The following MYT1L variants were observed in gnomAD, a reference collection of about 807,000 sequenced individuals.
MYT1L encodes myelin transcription factor 1-like protein.
A neutral mutation model predicts 126.7 loss-of-function variants in MYT1L; 12 were observed. That is an observed-to-expected ratio of 0.09 (90% CI 0.06 to 0.15). The LOEUF is 0.15. Ranked by LOEUF, MYT1L falls within the 10% of genes least tolerant of loss-of-function variation. The probability of loss-of-function intolerance (pLI) is 1.00; values close to 1 mark genes in which losing one functional copy is unlikely to be tolerated. For missense variants in MYT1L, 979 were observed against 1,585.2 expected (o/e 0.62, Z 6.49); for synonymous variants, 541 against 604.2 (o/e 0.90, Z 1.53).
chr2:2,208,711 T>C (rs1483353283), intron 2 of MYT1L, among the ~76,000 whole-genome samples: 1 of 152,270 alleles, frequency 6.6e-6, no homozygotes, highest in Non-Finnish European at 1.5e-5. Flanking sequence ...TTTTAAATTT[T>C]TGCCTGACAT....
chr2:2,117,713 G>C (rs2080404827), intron 3 of MYT1L, among the ~76,000 whole-genome samples: 1 of 151,974 alleles, frequency 6.6e-6, no homozygotes, highest in Admixed American at 6.6e-5. Context: ...CCATGACTGG[G>C]GTAGGATCAT....
At chr2:1,855,369 T>C (rs982479869) in intron 18 of MYT1L, among the ~76,000 whole-genome samples, 1 of 152,150 alleles carries the variant, frequency 6.6e-6, no homozygotes, top group South Asian at 2.1e-4. Flanking sequence ...ACAATCAGCA[T>C]CCCCCGTGGA....
intron 2 of MYT1L, among the ~76,000 whole-genome samples, chr2:2,217,864 C>G (rs1159985695): frequency 6.6e-6 from 1 of 152,082 alleles, no homozygotes; most frequent in Non-Finnish European, 1.5e-5. Flanking sequence ...GCTCTCGAAA[C>G]TTAATGATAA....
chr2:2,299,109 C>A (rs1040674681), intron 1 of MYT1L, among the ~76,000 whole-genome samples: 6 of 152,318 alleles, frequency 3.9e-5, no homozygotes, highest in Admixed American at 2.0e-4. Context: ...GCCTTGGCCT[C>A]CCAAAGTGCT....
chr2:1,832,113 G>C (rs1355651339), intron 21 of MYT1L, among the ~76,000 whole-genome samples: 1 of 152,158 alleles, frequency 6.6e-6, no homozygotes, highest in Non-Finnish European at 1.5e-5. Flanking sequence ...GGTGTGTTTG[G>C]AGCTGGGGCC....
intron 18 of MYT1L, among the ~76,000 whole-genome samples, chr2:1,862,269 A>T (rs191189969): frequency 0.024 from 1,437 of 60,196 alleles, 15 homozygotes; most frequent in East Asian, 0.12. Flanking sequence ...AGAGGTTTTT[A>T]AAAAAAAATC....
rs925819119 is a variant in MYT1L at position 2,030,225 on chromosome 2, G to A, written c.-158+23753C>T. ...TGATTCTCCTGCCTCAGCCTCCCGA[G>A]TAGCTGGGACTACAGGCGTATGCTA... On this transcript the variant is annotated intron_variant, in intron 4 of 24. Coordinates refer to ENST00000647738, the MANE Select transcript of MYT1L (RefSeq NM_001303052.2). Among the ~76,000 whole-genome samples, 5 of 152,192 alleles carry A rather than the reference G, an allele frequency of 3.3e-5. No homozygotes were observed. The East Asian group carries it at 7.7e-4, about 24-fold the overall frequency.
chr2:2,002,260 T>C (rs188022226), intron 4 of MYT1L, among the ~76,000 whole-genome samples: 1 of 152,300 alleles, frequency 6.6e-6, no homozygotes, highest in East Asian at 1.9e-4. Context: ...TGGTGTGTGA[T>C]TGTGCGGTTG....
At chr2:2,092,134 T>G (rs992847641) in intron 3 of MYT1L, among the ~76,000 whole-genome samples, 1 of 152,236 alleles carries the variant, frequency 6.6e-6, no homozygotes, top group African/African-American at 2.4e-5. Flanking sequence ...GCTTTTGACC[T>G]GTCTTAGGTT....
intron 18 of MYT1L, among the ~76,000 whole-genome samples, chr2:1,882,124 T>C (rs1023906232): frequency 6.6e-6 from 1 of 152,296 alleles, no homozygotes; most frequent in Non-Finnish European, 1.5e-5. Flanking sequence ...AGAAGCATTT[T>C]GTCCATTGTC....
chr2:2,120,468 C>A (rs547034107), intron 3 of MYT1L, among the ~76,000 whole-genome samples: 1 of 152,058 alleles, frequency 6.6e-6, no homozygotes, highest in African/African-American at 2.4e-5. Context: ...CTATTAAGGC[C>A]TTTTTTATTT....
intron 4 of MYT1L, among the ~76,000 whole-genome samples, chr2:2,015,316 A>G (rs1396682457): frequency 6.6e-6 from 1 of 152,222 alleles, no homozygotes; most frequent in African/African-American, 2.4e-5. Flanking sequence ...GATGTTCACC[A>G]GCAGCGTCCT....
At chr2:2,202,407 C>A (rs575473566) in intron 2 of MYT1L, among the ~76,000 whole-genome samples, 4 of 152,084 alleles carry the variant, frequency 2.6e-5, no homozygotes, top group East Asian at 3.9e-4. Context: ...AGAGAAGAAC[C>A]AAATAGATGC....
At chr2:2,272,903 C>T (rs2095291013) in intron 2 of MYT1L, among the ~76,000 whole-genome samples, 1 of 152,154 alleles carries the variant, frequency 6.6e-6, no homozygotes, top group Non-Finnish European at 1.5e-5. Flanking sequence ...CCAGGTGTCT[C>T]CCATCTCCAC....
intron 18 of MYT1L, among the ~76,000 whole-genome samples, 172 bp from the exon 19 acceptor site, chr2:1,851,875 C>T (rs76139224): frequency 4.6e-5 from 7 of 152,174 alleles, no homozygotes; most frequent in Non-Finnish European, 7.3e-5. Flanking sequence ...CATGACCACA[C>T]ACACACCTTC....
intron 8 of MYT1L, among the ~76,000 whole-genome samples, chr2:1,958,640 G>A (rs2058709305): frequency 6.6e-6 from 1 of 152,210 alleles, no homozygotes; most frequent in African/African-American, 2.4e-5. Context: ...TGTGCTGCCT[G>A]CTTTCTACAC....
chr2:2,132,032 C>T (rs138744041), intron 3 of MYT1L, among the ~76,000 whole-genome samples: 235 of 151,598 alleles, frequency 1.6e-3, no homozygotes, highest in African/African-American at 5.4e-3. Flanking sequence ...CCTCAGCCTC[C>T]GGAGTAGCTG....
chr2:1,816,918 CCT>C (rs2037751045), intron 21 of MYT1L: 2 of 152,226 alleles, frequency 1.3e-5, no homozygotes, highest in East Asian at 1.9e-4. Context: ...AGGGTGGACC[CCT>C]GTTGTCGGCA....
At chr2:1,874,096 T>A (rs1230222332) in intron 18 of MYT1L, among the ~76,000 whole-genome samples, 1 of 152,014 alleles carries the variant, frequency 6.6e-6, no homozygotes, top group Non-Finnish European at 1.5e-5. Context: ...GGGGTTTGCG[T>A]GCCGGCCTGA....
Sources: gnomAD v4.1 joint callset for allele counts (sites outside exome capture counted in the v4.1 genomes callset) on GRCh38, gnomAD v4.1.1 for gene constraint, MANE v1.5 for transcripts, NCBI Gene and HGNC (gene_info 2026-07-23, HGNC 2026-07-21) for gene names.